Variants in ZFHX3 observed in about 807,000 individuals in gnomAD.
The protein encoded by ZFHX3 is zinc finger homeobox 3.
Under a neutral mutation model 279.1 loss-of-function variants are expected in ZFHX3, and 42 were observed. The ratio of observed to expected loss-of-function variants is 0.15; its 90% CI spans 0.12 to 0.19. The LOEUF is 0.19. Ranked by LOEUF, ZFHX3 falls within the 10% of genes least tolerant of loss-of-function variation. The pLI, the probability that ZFHX3 is intolerant of heterozygous loss-of-function variation, is 1.00. For missense variants in ZFHX3, 4,981 were observed against 4,754.0 expected (o/e 1.05, Z -1.40); for synonymous variants, 2,293 against 1,957.8 (o/e 1.17, Z -4.52).
intron 4 of ZFHX3, among the ~76,000 whole-genome samples, chr16:73,277,451 T>C (rs1402059881): frequency 2.6e-5 from 4 of 152,100 alleles, no homozygotes; most frequent in Non-Finnish European, 5.9e-5. Flanking sequence ...GTAGATGAAA[T>C]CTTTATTAAA....
At chr16:73,740,006 C>A (rs894913479) in intron 1 of ZFHX3, among the ~76,000 whole-genome samples, 5 of 152,136 alleles carry the variant, frequency 3.3e-5, no homozygotes, top group African/African-American at 9.7e-5. Context: ...TCAGGGACAT[C>A]ATCTTCTGAT....
chr16:73,800,029 T>C (rs1035993711), intron 1 of ZFHX3, among the ~76,000 whole-genome samples: 1 of 152,066 alleles, frequency 6.6e-6, no homozygotes, highest in East Asian at 1.9e-4. Context: ...AAGAGTTAAT[T>C]TGTATATTAA....
intron 1 of ZFHX3, among the ~76,000 whole-genome samples, chr16:73,737,370 C>T (rs2053618529): frequency 6.6e-6 from 1 of 152,118 alleles, no homozygotes; most frequent in Admixed American, 6.6e-5. Context: ...ATATGTTTGA[C>T]AAACCCAAAA....
At chr16:73,070,111 A>G (rs760325280) in intron 8 of ZFHX3, among the ~76,000 whole-genome samples, 4 of 152,182 alleles carry the variant, frequency 2.6e-5, no homozygotes, top group Non-Finnish European at 4.4e-5. Flanking sequence ...ACACTGCTTG[A>G]AAGTCATTGT....
At chr16:73,720,366 A>C (rs2053462911) in intron 1 of ZFHX3, among the ~76,000 whole-genome samples, 1 of 152,240 alleles carries the variant, frequency 6.6e-6, no homozygotes, top group South Asian at 2.1e-4. Flanking sequence ...TGTATGTATG[A>C]AGAATTTTAT....
chr16:73,684,808 C>A (rs1340773449), intron 1 of ZFHX3, among the ~76,000 whole-genome samples: 1 of 150,364 alleles, frequency 6.7e-6, no homozygotes. Flanking sequence ...TCAAGCAATT[C>A]TCCTGCTTCA....
chr16:72,912,060 G>A (rs978032905), intron 3 of ZFHX3, among the ~76,000 whole-genome samples: 3 of 152,186 alleles, frequency 2.0e-5, no homozygotes, highest in African/African-American at 7.2e-5. Context: ...GAAAACGGGA[G>A]GATAAAAGGC....
intron 9 of ZFHX3, 49 bp from the exon 10 acceptor site, chr16:72,788,897 G>A (rs2143313348): frequency 1.3e-6 from 2 of 1,506,212 alleles, no homozygotes; most frequent in Admixed American, 2.3e-5. Context: ...GCAGGGGTAG[G>A]GCTGAAGCTC....
chr16:73,728,277 C>T (rs1020263989), intron 1 of ZFHX3, among the ~76,000 whole-genome samples: 3 of 152,092 alleles, frequency 2.0e-5, no homozygotes, highest in Non-Finnish European at 4.4e-5. Flanking sequence ...GTGTGCAAGC[C>T]AAGGAGAGGC....
intron 1 of ZFHX3, among the ~76,000 whole-genome samples, chr16:73,872,788 G>A (rs980080806): frequency 7.9e-5 from 3 of 37,798 alleles, no homozygotes; most frequent in South Asian, 1.6e-3. Context: ...GGCGGTGGGT[G>A]GCGGTGGATG....
At chr16:73,017,552 G>A (rs544927736) in intron 1 of ZFHX3, among the ~76,000 whole-genome samples, 8 of 152,168 alleles carry the variant, frequency 5.3e-5, no homozygotes, top group Middle Eastern at 3.4e-3. Flanking sequence ...CTTGGCTGCC[G>A]TCACGACTAA....
intron 2 of ZFHX3, among the ~76,000 whole-genome samples, chr16:73,548,120 C>T (rs1021120385): frequency 2.0e-5 from 3 of 152,154 alleles, no homozygotes; most frequent in African/African-American, 7.2e-5. Context: ...ATTTTTCTGC[C>T]TTTGCAGACT....
At chr16:73,818,976 T>A (rs932004504) in intron 1 of ZFHX3, among the ~76,000 whole-genome samples, 5 of 152,164 alleles carry the variant, frequency 3.3e-5, no homozygotes, top group African/African-American at 1.2e-4. Context: ...GAAATAATCA[T>A]AGATTGGTAC....
chr16:73,072,359 G>A (rs1784912714), intron 8 of ZFHX3, among the ~76,000 whole-genome samples: 1 of 151,114 alleles, frequency 6.6e-6, no homozygotes, highest in Non-Finnish European at 1.5e-5. Flanking sequence ...CAGGAGACTC[G>A]CTTGAACCCA....
chr16:73,302,397 C>T (rs1404090975), intron 4 of ZFHX3, among the ~76,000 whole-genome samples: 1 of 152,150 alleles, frequency 6.6e-6, no homozygotes, highest in Non-Finnish European at 1.5e-5. Flanking sequence ...CAAATTGCCC[C>T]CAGAGCCCAC....
At chr16:73,565,503 G>A (rs751847837) in intron 2 of ZFHX3, among the ~76,000 whole-genome samples, 14 of 152,166 alleles carry the variant, frequency 9.2e-5, no homozygotes, top group Non-Finnish European at 1.8e-4. Context: ...TCCTTTTCCC[G>A]AAAGGTTACC....
At chr16:73,011,112 G>C (rs192981654) in intron 1 of ZFHX3, among the ~76,000 whole-genome samples, 2 of 152,232 alleles carry the variant, frequency 1.3e-5, no homozygotes, top group Admixed American at 1.3e-4. Flanking sequence ...CTCCCCAGTA[G>C]CTGGGACTAC....
chr16:73,111,671 G>A (rs1023364631), intron 7 of ZFHX3, among the ~76,000 whole-genome samples: 5 of 67,304 alleles, frequency 7.4e-5, no homozygotes, highest in African/African-American at 1.7e-4. Context: ...AGGAGAGAGC[G>A]AAAGAGAGGA....
intron 1 of ZFHX3, among the ~76,000 whole-genome samples, chr16:73,018,030 G>A (rs1038056552): frequency 1.3e-5 from 2 of 150,104 alleles, no homozygotes; most frequent in African/African-American, 4.9e-5. Context: ...CTGTCACCCA[G>A]GCTGGAGTCC....
Sources: allele counts gnomAD v4.1 joint callset (sites outside exome capture counted in the v4.1 genomes callset), GRCh38; gene constraint gnomAD v4.1.1; transcripts MANE v1.5; gene names NCBI Gene and HGNC (gene_info 2026-07-23, HGNC 2026-07-21).